Variants in SCAPER observed in about 807,000 individuals in gnomAD.
The protein encoded by SCAPER is S-phase cyclin A associated protein in the ER, also known as S phase cyclin A-associated protein in the endoplasmic reticulum.
A neutral mutation model predicts 182.2 loss-of-function variants in SCAPER; 98 were observed. That is an observed-to-expected ratio of 0.54 (90% CI 0.46 to 0.64). The LOEUF (loss-of-function observed/expected upper bound fraction) is 0.64. Among genes scored for constraint, SCAPER ranks in the 30% least tolerant of loss-of-function variants. SCAPER has a pLI of 0.00. For synonymous variants in SCAPER, 605 were observed against 564.6 expected, an observed-to-expected ratio of 1.07 and a Z score of -1.01; for missense variants, 1,432 against 1,690.0, an observed-to-expected ratio of 0.85 and a Z score of 2.68.
chr15:76,442,294 G>A (rs535169689), intron 25 of SCAPER, among the ~76,000 whole-genome samples: 1 of 152,188 alleles, frequency 6.6e-6, no homozygotes, highest in East Asian at 1.9e-4. Context: ...TACATGCTGT[G>A]CTTTACTGCA....
At chr15:76,451,874 G>A (rs2048387457) in intron 25 of SCAPER, among the ~76,000 whole-genome samples, 1 of 152,168 alleles carries the variant, frequency 6.6e-6, no homozygotes, top group East Asian at 1.9e-4. Context: ...AGCTTAAAGA[G>A]GGCAGGCTGT....
At chr15:76,683,962 C>CCAACTAAGCTT (rs1211079783) in intron 20 of SCAPER, among the ~76,000 whole-genome samples, 8 of 151,910 alleles carry the variant, frequency 5.3e-5, no homozygotes, top group African/African-American at 1.9e-4. Flanking sequence ...CACATGCAGC[C>CCAACTAAGCTT]CAACTAAGCT....
intron 4 of SCAPER, among the ~76,000 whole-genome samples, chr15:76,854,254 C>T (rs12440691): frequency 0.33 from 50,600 of 151,646 alleles, 8,701 homozygotes; most frequent in East Asian, 0.55. Flanking sequence ...GGCAATAGAG[C>T]AAGACTCCAT....
chr15:76,763,997 G>C (rs949343184), intron 14 of SCAPER, among the ~76,000 whole-genome samples: 7 of 151,630 alleles, frequency 4.6e-5, no homozygotes, highest in Admixed American at 1.3e-4. Context: ...GTGTTCTCTT[G>C]GTGGTATCAA....
At chr15:76,808,233 G>A (rs2066326421) in intron 5 of SCAPER, among the ~76,000 whole-genome samples, 1 of 152,168 alleles carries the variant, frequency 6.6e-6, no homozygotes, top group Admixed American at 6.5e-5. Flanking sequence ...CTTATAACTA[G>A]CCTGCATCCG....
rs116979252 is a variant in SCAPER at position 76,482,241 on chromosome 15, T to C, written c.2955-10906A>G. 9.6e-3 allele frequency among the ~76,000 whole-genome samples: 1,463 copies of C among 152,302 alleles called. 16 individuals carry two copies. The highest frequency in any genetic ancestry group is 0.016 in the Non-Finnish European group (1,104 of 67,990). On this transcript the variant is annotated intron_variant, in intron 24 of 31. Coordinates refer to ENST00000563290, the MANE Select transcript of SCAPER (RefSeq NM_020843.4). ...GGAGACATTCCCTTCATATATTTGA[T>C]TGCCTAATGGTATAGCTCCACATAA...
intron 21 of SCAPER, among the ~76,000 whole-genome samples, chr15:76,634,259 T>C (rs894283114): frequency 6.6e-6 from 1 of 152,202 alleles, no homozygotes; most frequent in African/African-American, 2.4e-5. Flanking sequence ...AGCTCCCAGG[T>C]AGACCCTCAC....
intron 27 of SCAPER, among the ~76,000 whole-genome samples, chr15:76,403,903 C>T (rs941270714): frequency 4.0e-5 from 6 of 151,838 alleles, no homozygotes; most frequent in African/African-American, 1.5e-4. Context: ...GAGGACAGTC[C>T]GCAGGGTGGG....
chr15:76,652,273 A>AAAATATAT (rs1207156993), intron 21 of SCAPER, among the ~76,000 whole-genome samples: 5 of 12,860 alleles, frequency 3.9e-4, no homozygotes, highest in South Asian at 5.6e-3. Context: ...AAAAAAAAAA[A>AAAATATAT]ATATATATAT....
chr15:76,656,978 A>G (rs1490255677), intron 21 of SCAPER, among the ~76,000 whole-genome samples: 1 of 152,166 alleles, frequency 6.6e-6, no homozygotes. Flanking sequence ...CTAACATCAC[A>G]TCCAGATGAA....
At chr15:76,755,470 C>T (rs528729244) in intron 14 of SCAPER, among the ~76,000 whole-genome samples, 1 of 152,082 alleles carries the variant, frequency 6.6e-6, no homozygotes, top group Non-Finnish European at 1.5e-5. Context: ...TATGCTTAAC[C>T]CATGCATATT....
intron 24 of SCAPER, among the ~76,000 whole-genome samples, chr15:76,497,989 CA>C (rs747096625): frequency 4.4e-3 from 258 of 58,218 alleles, no homozygotes; most frequent in African/African-American, 0.014. Flanking sequence ...GACTCCGTCT[CA>C]AAAAAAAAAA....
chr15:76,382,869 A>C (rs940693640), intron 27 of SCAPER, among the ~76,000 whole-genome samples: 1 of 152,162 alleles, frequency 6.6e-6, no homozygotes, highest in Non-Finnish European at 1.5e-5. Context: ...TAATCACTGC[A>C]CAAAACCTCA....
rs1398375682 is a variant in SCAPER at position 76,733,315 on chromosome 15, T to C, written c.1936A>G (p.Lys646Glu). The C allele has an allele frequency of 6.2e-7, 1 of 1,613,374 alleles. No homozygotes were observed. Residue 646 changes from lysine to glutamate, a missense_variant, in exon 16 of 32, where the codon AAG becomes GAG. Physicochemically the swap from Lys to Glu is moderately conservative, Grantham distance 56. This residue lies in a region of SCAPER where 88 missense variants were observed against 184.2 expected (regional missense o/e 0.48). Transcript: ENST00000563290. ...NKRHDVLSKLKEYEQRLNELQ... is the reference protein window; with the variant it reads ...NKRHDVLSKLEEYEQRLNELQ... ...TCATTAAGCCTCTGTTCATATTCCT[T>C]CAATTTTGATAAAACATCATGACGT...
chr15:76,843,048 T>G (rs2069635163), intron 4 of SCAPER, among the ~76,000 whole-genome samples: 1 of 152,248 alleles, frequency 6.6e-6, no homozygotes, highest in Non-Finnish European at 1.5e-5. Context: ...ACGCTAATCT[T>G]ATGAAATTAT....
intron 25 of SCAPER, among the ~76,000 whole-genome samples, chr15:76,467,664 T>C (rs1302853255): frequency 6.6e-6 from 1 of 152,188 alleles, no homozygotes; most frequent in Non-Finnish European, 1.5e-5. Context: ...GGTACTCTAC[T>C]AGGTTGTCTG....
At chr15:76,670,130 G>C (rs899251145) in intron 20 of SCAPER, among the ~76,000 whole-genome samples, 2 of 151,806 alleles carry the variant, frequency 1.3e-5, no homozygotes, top group African/African-American at 2.4e-5. Flanking sequence ...GTTTTTGTTT[G>C]ACTTAATAGT....
intron 22 of SCAPER, among the ~76,000 whole-genome samples, chr15:76,614,845 G>A (rs2051308185): frequency 6.6e-6 from 1 of 152,066 alleles, no homozygotes; most frequent in African/African-American, 2.4e-5. Context: ...TCTTCCATAA[G>A]ACAAACTAAA....
Position 76,530,975 on chromosome 15 carries a change from G to A in SCAPER, c.2839-26001C>T, listed in dbSNP as rs551553702. On this transcript the variant is annotated intron_variant, in intron 23 of 31. Coordinates refer to ENST00000563290, the MANE Select transcript of SCAPER (RefSeq NM_020843.4). ...TACAGGTATATATGTGTATATATACGTATATATGAATATACACGTGTATAT... is the reference window on the plus strand; with the variant it reads ...TACAGGTATATATGTGTATATATACATATATATGAATATACACGTGTATAT... Among the ~76,000 whole-genome samples the A allele has an allele frequency of 1.6e-4, 24 of 150,792 alleles. No homozygotes were observed. The East Asian group carries it at 3.3e-3, about 21-fold the overall frequency.
Sources: allele counts gnomAD v4.1 joint callset (sites outside exome capture counted in the v4.1 genomes callset), GRCh38; gene constraint gnomAD v4.1.1; regional missense constraint gnomAD v4.1.1; transcripts MANE v1.5; gene names NCBI Gene and HGNC (gene_info 2026-07-23, HGNC 2026-07-21).